The following NRCAM variants were observed in gnomAD, a reference collection of about 807,000 sequenced individuals.
The protein encoded by NRCAM is NgCAM-related cell adhesion molecule.
NRCAM carries 83 observed loss-of-function variants against 156.5 expected under a neutral mutation model. That is an observed-to-expected ratio of 0.53 (90% confidence interval 0.44 to 0.64). NRCAM has a LOEUF of 0.64. NRCAM is among the 30% of genes least tolerant of loss of function. NRCAM has a pLI of 0.00. For synonymous variants in NRCAM, 538 were observed against 563.9 expected (o/e 0.95, Z 0.65); for missense variants, 1,417 against 1,597.3 (o/e 0.89, Z 1.92).
At chr7:108,191,208 A>G in intron 19 of NRCAM, 46 bp downstream of exon 19, 1 of 1,514,672 alleles carries the variant, frequency 6.6e-7, no homozygotes, top group East Asian at 2.3e-5. Flanking sequence ...TGCAAATGTG[A>G]AATTGTTTGA....
chr7:108,305,353 T>C (rs2154165714), intron 3 of NRCAM, among the ~76,000 whole-genome samples: 1 of 152,366 alleles, frequency 6.6e-6, no homozygotes, highest in East Asian at 1.9e-4. Context: ...TCCAGGTCAT[T>C]TGAATCATTT....
intron 30 of NRCAM, among the ~76,000 whole-genome samples, chr7:108,165,509 T>C (rs574256085): frequency 2.6e-5 from 4 of 152,340 alleles, no homozygotes; most frequent in African/African-American, 9.6e-5. Context: ...TGACTTTTAG[T>C]ATTTTGAAAA....
chr7:108,234,589 G>A lies in NRCAM; in HGVS notation c.224C>T (p.Pro75Leu). 6.3e-7 allele frequency: 1 copy of A among 1,591,018 alleles called. No homozygotes were observed. Among genetic ancestry groups the A allele is most frequent in the Non-Finnish European group, 8.6e-7 (1 of 1,159,900 alleles). ...VIQCEAKGKP[P>L]PSFSWTRNGT... Reference sequence around the variant, plus strand: ...AAGCAGAATGCACACTCACCTTGGGGGCGGTTTCCCTTTGGCTTCACACTG... The same window carrying A: ...AAGCAGAATGCACACTCACCTTGGGAGCGGTTTCCCTTTGGCTTCACACTG... Residue 75 changes from proline to leucine, a missense_variant, in exon 6 of 33, where the codon CCC becomes CTC. Pro to Leu is a moderately conservative substitution (Grantham distance 98). Transcript: ENST00000379028.
At position 108,167,072 on chromosome 7, in the gene NRCAM, G is replaced by C; in HGVS notation, c.3315C>G (p.Ser1105Arg). The change falls in exon 30 of 33, where the codon AGC (serine) becomes AGG (arginine). Residue 1105 changes from serine (S) to arginine (R), a missense_variant and splice_region_variant. By Grantham distance (110) the Ser-to-Arg change is moderately radical. This residue lies in a region of NRCAM where 179 missense variants were observed against 260.9 expected (regional missense o/e 0.69). Transcript: ENST00000379028. ...NFYVEYGVAGSKEEWRKEIVN... is the reference protein window; with the variant it reads ...NFYVEYGVAGRKEEWRKEIVN... ...CAATTTCTTTTCTCCATTCTTCTTT[G>C]CCTATGGAAATTTTGCAAAAACAAC... 6.2e-7 allele frequency: 1 copy of C among 1,611,202 alleles called. No homozygotes were observed. The highest frequency in any genetic ancestry group is 8.5e-7 in the Non-Finnish European group (1 of 1,178,444).
chr7:108,171,048 C>G (rs2058169039), intron 28 of NRCAM, among the ~76,000 whole-genome samples: 1 of 152,178 alleles, frequency 6.6e-6, no homozygotes, highest in South Asian at 2.1e-4. Flanking sequence ...CTAAGGCATG[C>G]TGTTTAGCCA....
chr7:108,300,355 A>G (rs1279950727), intron 3 of NRCAM, among the ~76,000 whole-genome samples: 1 of 151,678 alleles, frequency 6.6e-6, no homozygotes, highest in East Asian at 1.9e-4. Context: ...ATTATATAAA[A>G]TTAAACTAAT....
At chr7:108,253,943 C>T (rs1055301693) in intron 3 of NRCAM, among the ~76,000 whole-genome samples, 1 of 152,222 alleles carries the variant, frequency 6.6e-6, no homozygotes, top group African/African-American at 2.4e-5. Flanking sequence ...ACTACCCCAA[C>T]CACGAAACCA....
chr7:108,196,601 G>T (rs751923087), intron 14 of NRCAM, among the ~76,000 whole-genome samples: 1 of 151,992 alleles, frequency 6.6e-6, no homozygotes, highest in African/African-American at 2.4e-5. Context: ...ATCACCAATC[G>T]CCAGATAAAT....
chr7:108,151,546 C>T (rs190243036), intron 32 of NRCAM, among the ~76,000 whole-genome samples: 6 of 152,132 alleles, frequency 3.9e-5, no homozygotes, highest in Admixed American at 2.6e-4. Context: ...GGAAATAATG[C>T]TAGCATAATA....
At chr7:108,267,280 G>A (rs2097143201) in intron 3 of NRCAM, among the ~76,000 whole-genome samples, 1 of 152,230 alleles carries the variant, frequency 6.6e-6, no homozygotes, top group South Asian at 2.1e-4. Flanking sequence ...CTGCTTGCAA[G>A]ATGTGTGATT....
At chr7:108,366,028 A>G (rs2099589800) in intron 2 of NRCAM, among the ~76,000 whole-genome samples, 1 of 152,166 alleles carries the variant, frequency 6.6e-6, no homozygotes, top group Non-Finnish European at 1.5e-5. Context: ...TGGGGCCCTC[A>G]TAGAAGGGCT....
At position 108,255,796 on chromosome 7, in the gene NRCAM, T is replaced by C. The variant is rs868339643; in HGVS notation, c.-106-15626A>G. On this transcript the variant is annotated intron_variant, in intron 3 of 32. Transcript: ENST00000379028. ...CCCGACCGCCACCCCGTCTGGGAGG[T>C]GAGGAGCGTCTCTGCCGGGCTGCCC... is the stretch of plus-strand genomic sequence containing the variant. Among the ~76,000 whole-genome samples, 1,131 of 149,098 alleles carry C rather than the reference T, an allele frequency of 7.6e-3. 16 individuals are homozygous for C. Among genetic ancestry groups the C allele is most frequent in the African/African-American group, 0.027 (1,073 of 40,098 alleles).
intron 2 of NRCAM, among the ~76,000 whole-genome samples, chr7:108,382,615 A>C (rs2099706651): frequency 6.6e-6 from 1 of 152,074 alleles, no homozygotes; most frequent in African/African-American, 2.4e-5. Context: ...TCTCTAAAAA[A>C]GGAAAGAAGA....
At position 108,175,342 on chromosome 7, in the gene NRCAM, G is replaced by A. The variant is rs1317005793; in HGVS notation, c.3167C>T (p.Pro1056Leu). The change falls in exon 28 of 33, where the codon CCT becomes CTT. Residue 1056 changes from proline (P) to leucine (L), a missense_variant. Physicochemically the swap from Pro to Leu is moderately conservative, Grantham distance 98. Coordinates refer to ENST00000379028, the MANE Select transcript of NRCAM (RefSeq NM_001037132.4). ...TTTACCTTTGCCTGCACCTACATCA[G>A]GTGGAAGAATACCAGCTTTAATGAA... The part of the protein sequence containing the change: ...TTVDEAGILP[P>L]DVGAGKVQAV... The A allele has an allele frequency of 2.6e-6, 4 of 1,561,402 alleles. No homozygotes were observed. The highest frequency in any genetic ancestry group is 3.8e-5 in the Admixed American group (2 of 52,188).
At chr7:108,194,999 C>T (rs1304472187) in intron 15 of NRCAM, among the ~76,000 whole-genome samples, 1 of 152,044 alleles carries the variant, frequency 6.6e-6, no homozygotes, top group Non-Finnish European at 1.5e-5. Flanking sequence ...TGGCTGGATC[C>T]AAGTCAGGAA....
chr7:108,230,898 T>C (rs2094244542), intron 8 of NRCAM, 133 bp downstream of exon 8: 1 of 640,186 alleles, frequency 1.6e-6, no homozygotes, highest in South Asian at 2.2e-5. Flanking sequence ...TGACATGTTA[T>C]TTATTTTGAA....
chr7:108,266,981 T>C (rs1042556692), intron 3 of NRCAM, among the ~76,000 whole-genome samples: 1 of 152,204 alleles, frequency 6.6e-6, no homozygotes, highest in African/African-American at 2.4e-5. Flanking sequence ...AAGACTTTAT[T>C]CCATATAGCA....
intron 3 of NRCAM, among the ~76,000 whole-genome samples, chr7:108,261,929 C>T (rs549519325): frequency 3.9e-5 from 6 of 152,212 alleles, no homozygotes; most frequent in African/African-American, 1.4e-4. Context: ...CCATTTCATC[C>T]CCTGGCAGAC....
intron 3 of NRCAM, among the ~76,000 whole-genome samples, chr7:108,270,281 G>A (rs1168936131): frequency 6.6e-6 from 1 of 152,198 alleles, no homozygotes; most frequent in Non-Finnish European, 1.5e-5. Context: ...TTTAGGGTTT[G>A]CCATAAGAAA....
Sources: gnomAD v4.1 joint callset for allele counts (sites outside exome capture counted in the v4.1 genomes callset) on GRCh38, gnomAD v4.1.1 for gene constraint, gnomAD v4.1.1 regional missense constraint, MANE v1.5 for transcripts, NCBI Gene and HGNC (gene_info 2026-07-23, HGNC 2026-07-21) for gene names.